Variants in GRM8 observed in about 807,000 individuals in gnomAD.
The protein encoded by GRM8 is metabotropic glutamate receptor 8.
Under a neutral mutation model 87.2 loss-of-function variants are expected in GRM8, and 47 were observed. The ratio of observed to expected loss-of-function variants is 0.54; its 90% CI spans 0.43 to 0.69. The LOEUF (loss-of-function observed/expected upper bound fraction) is 0.69. GRM8 is among the 30% of genes least tolerant of loss of function. The probability of loss-of-function intolerance (pLI) is 0.00; values close to 1 mark genes in which losing one functional copy is unlikely to be tolerated. For missense variants in GRM8, 1,019 were observed against 1,139.2 expected (o/e 0.89, Z 1.52); for synonymous variants, 396 against 404.5 (o/e 0.98, Z 0.25).
rs796479214 is a variant in GRM8 at position 126,682,127 on chromosome 7, C to T, written c.1358-72629G>A. Among the ~76,000 whole-genome samples, 10 of 152,324 alleles carry T rather than the reference C, an allele frequency of 6.6e-5. 1 individual carries two copies. Among genetic ancestry groups the T allele is most frequent in the African/African-American group, 2.4e-4 (10 of 41,558 alleles). On this transcript the variant is annotated intron_variant, in intron 7 of 10. Coordinates refer to ENST00000339582, the MANE Select transcript of GRM8 (RefSeq NM_000845.3). Reference sequence around the variant, plus strand: ...CTGAATTATGGTACCTTTCTTAGCACTGATTCCTTACCGTATAAATGCTTA... The same window carrying T: ...CTGAATTATGGTACCTTTCTTAGCATTGATTCCTTACCGTATAAATGCTTA...
chr7:126,529,997 A>C (rs1269161306), intron 9 of GRM8, among the ~76,000 whole-genome samples: 2 of 152,200 alleles, frequency 1.3e-5, no homozygotes, highest in Non-Finnish European at 2.9e-5. Flanking sequence ...AAAATGATTC[A>C]TCTTGATTCA....
intron 6 of GRM8, among the ~76,000 whole-genome samples, chr7:126,873,197 C>T (rs894692381): frequency 1.4e-4 from 22 of 152,214 alleles, no homozygotes; most frequent in Admixed American, 1.4e-3. Flanking sequence ...ACAGTACATT[C>T]AATGTGGCTT....
At chr7:126,519,296 C>T (rs2237737) in intron 9 of GRM8, among the ~76,000 whole-genome samples, 1 of 151,740 alleles carries the variant, frequency 6.6e-6, no homozygotes, top group Non-Finnish European at 1.5e-5. Context: ...GTGTTTAGAA[C>T]TTGTATTAAT....
chr7:127,018,625 G>GC lies in GRM8; in HGVS notation c.727+87870dup, dbSNP rs1815944316. Among the ~76,000 whole-genome samples, 3 of 152,094 alleles carry GC rather than the reference G, an allele frequency of 2.0e-5. No homozygotes were observed. In the East Asian group the frequency reaches 5.8e-4, roughly 30 times the overall value. Reference sequence around the variant, plus strand: ...GACAAATTACTAATTTTGCCGGCCTGCCTTGTAGCTAGGGGTGACTATGAC... The same window carrying GC: ...GACAAATTACTAATTTTGCCGGCCTGCCCTTGTAGCTAGGGGTGACTATGAC... On this transcript the variant is annotated intron_variant, in intron 3 of 10. Transcript: ENST00000339582.
chr7:126,444,721 C>T (rs776040686), intron 10 of GRM8, among the ~76,000 whole-genome samples: 2 of 151,974 alleles, frequency 1.3e-5, no homozygotes, highest in African/African-American at 2.4e-5. Flanking sequence ...CCATAAGTTG[C>T]TATAATAATT....
intron 9 of GRM8, among the ~76,000 whole-genome samples, chr7:126,483,808 A>C (rs1257141818): frequency 1.6e-5 from 2 of 127,072 alleles, no homozygotes; most frequent in African/African-American, 6.0e-5. Flanking sequence ...TTTGCTGGTC[A>C]TGATACATTA....
intron 6 of GRM8, among the ~76,000 whole-genome samples, chr7:126,816,863 C>G (rs1793835027): frequency 6.6e-6 from 1 of 151,934 alleles, no homozygotes; most frequent in African/African-American, 2.4e-5. Context: ...ATTATCAACT[C>G]ATGGGCAATC....
chr7:126,722,955 A>ATGTTATAGATAAT (rs1812566675), intron 7 of GRM8, among the ~76,000 whole-genome samples: 1 of 120,450 alleles, frequency 8.3e-6, no homozygotes, highest in Non-Finnish European at 1.7e-5. Flanking sequence ...GATAATATAT[A>ATGTTATAGATAAT]ATATATGTAA....
chr7:126,674,887 C>T (rs1360915917), intron 7 of GRM8, among the ~76,000 whole-genome samples: 1 of 152,164 alleles, frequency 6.6e-6, no homozygotes, highest in East Asian at 1.9e-4. Context: ...AGTACATAGA[C>T]ATGCCATAAA....
Position 126,550,759 on chromosome 7 carries a change from G to T in GRM8, c.1495-16872C>A, listed in dbSNP as rs372020457. On this transcript the variant is annotated intron_variant, in intron 8 of 10. Coordinates refer to ENST00000339582, the MANE Select transcript of GRM8 (RefSeq NM_000845.3). ...AAATGAACTTAGTATTAATTATAGAGGGTAGGCACAAATGATACATAATAC... is the reference window on the plus strand; with the variant it reads ...AAATGAACTTAGTATTAATTATAGATGGTAGGCACAAATGATACATAATAC... Among the ~76,000 whole-genome samples the T allele has an allele frequency of 2.0e-5, 3 of 151,786 alleles. 1 individual carries two copies. Among genetic ancestry groups the T allele is most frequent in the Non-Finnish European group, 1.5e-5 (1 of 67,894 alleles).
At chr7:127,212,498 A>G (rs1409725002) in intron 2 of GRM8, among the ~76,000 whole-genome samples, 1 of 144,594 alleles carries the variant, frequency 6.9e-6, no homozygotes, top group East Asian at 2.0e-4. Context: ...GCTCACTGCA[A>G]GCTCCGCCTC....
At chr7:126,529,572 T>C (rs1256187493) in intron 9 of GRM8, among the ~76,000 whole-genome samples, 1 of 152,178 alleles carries the variant, frequency 6.6e-6, no homozygotes, top group East Asian at 1.9e-4. Context: ...CTTTTCTTTT[T>C]TTGCCTTTTT....
At chr7:127,124,724 C>A (rs1234769391) in intron 2 of GRM8, among the ~76,000 whole-genome samples, 1 of 152,108 alleles carries the variant, frequency 6.6e-6, no homozygotes, top group Non-Finnish European at 1.5e-5. Flanking sequence ...ATGATCAGAA[C>A]TGATTGCACA....
intron 2 of GRM8, among the ~76,000 whole-genome samples, chr7:127,241,523 T>A (rs1462422484): frequency 6.7e-6 from 1 of 148,450 alleles, no homozygotes; most frequent in Non-Finnish European, 1.5e-5. Context: ...AACCTCCACC[T>A]CCCAGGTTCA....
intron 3 of GRM8, among the ~76,000 whole-genome samples, chr7:127,017,441 A>G (rs1326838250): frequency 6.6e-6 from 1 of 152,092 alleles, no homozygotes; most frequent in African/African-American, 2.4e-5. Context: ...TGATGGCAAT[A>G]AGAATACAGA....
chr7:127,162,103 T>C (rs1460953649), intron 2 of GRM8, among the ~76,000 whole-genome samples: 1 of 152,176 alleles, frequency 6.6e-6, no homozygotes, highest in Non-Finnish European at 1.5e-5. Flanking sequence ...TGTTGAACTA[T>C]ATAGCATTTG....
intron 3 of GRM8, among the ~76,000 whole-genome samples, chr7:127,071,722 T>G (rs1821711628): frequency 6.6e-6 from 1 of 152,160 alleles, no homozygotes; most frequent in African/African-American, 2.4e-5. Context: ...TGAATGCAAA[T>G]CAAATTAATA....
At chr7:127,187,906 G>T (rs1399993332) in intron 2 of GRM8, among the ~76,000 whole-genome samples, 1 of 152,112 alleles carries the variant, frequency 6.6e-6, no homozygotes, top group African/African-American at 2.4e-5. Flanking sequence ...AGAATCAAAG[G>T]TCTCTTTTAT....
At chr7:126,946,416 A>T (rs963843) in intron 3 of GRM8, among the ~76,000 whole-genome samples, 1 of 152,132 alleles carries the variant, frequency 6.6e-6, no homozygotes, top group Non-Finnish European at 1.5e-5. Flanking sequence ...TCAGAGGATC[A>T]CTTGGGCCTA....
Sources: gnomAD v4.1 joint callset for allele counts (sites outside exome capture counted in the v4.1 genomes callset) on GRCh38, gnomAD v4.1.1 for gene constraint, MANE v1.5 for transcripts, NCBI Gene and HGNC (gene_info 2026-07-23, HGNC 2026-07-21) for gene names.